Variants in COMMD1 observed in about 807,000 individuals in gnomAD.
COMMD1 encodes COMM domain-containing protein 1.
In COMMD1, 10 loss-of-function variants were observed where a neutral mutation model predicts 17.2. The ratio of observed to expected loss-of-function variants is 0.58; its 90% CI spans 0.36 to 0.99. COMMD1 has a LOEUF of 0.99. Among genes scored for constraint, COMMD1 ranks in the 50% least tolerant of loss-of-function variants. COMMD1 has a pLI of 0.01. For missense variants in COMMD1, 270 were observed against 231.8 expected (o/e 1.17, Z -1.07); for synonymous variants, 97 against 91.6 (o/e 1.06, Z -0.34).
At chr2:62,116,947 A>T (rs1405296940) in intron 2 of COMMD1, among the ~76,000 whole-genome samples, 1 of 151,348 alleles carries the variant, frequency 6.6e-6, no homozygotes. Flanking sequence ...GTGAGCCGAG[A>T]TCGCACCATT....
chr2:62,003,315 G>A (rs1045901555), intron 2 of COMMD1, among the ~76,000 whole-genome samples: 41 of 151,968 alleles, frequency 2.7e-4, no homozygotes, highest in Admixed American at 5.2e-4. Flanking sequence ...GCCAAGGCAG[G>A]TGGATCACGA....
chr2:62,022,057 A>G (rs1669625667), intron 2 of COMMD1, among the ~76,000 whole-genome samples: 1 of 152,140 alleles, frequency 6.6e-6, no homozygotes, highest in Non-Finnish European at 1.5e-5. Flanking sequence ...CTGATTCATG[A>G]AGATTTACCC....
At chr2:61,913,381 A>T (rs572563942) in intron 1 of COMMD1, among the ~76,000 whole-genome samples, 3 of 146,888 alleles carry the variant, frequency 2.0e-5, no homozygotes, top group South Asian at 4.3e-4. Context: ...AAAAAAAAAA[A>T]AAAAAGAGAA....
intron 1 of COMMD1, among the ~76,000 whole-genome samples, chr2:61,985,020 T>A (rs925371825): frequency 4.6e-5 from 7 of 151,732 alleles, no homozygotes; most frequent in African/African-American, 1.4e-4. Flanking sequence ...TCCTATTCCT[T>A]TATTTTTAGT....
intron 2 of COMMD1, among the ~76,000 whole-genome samples, chr2:62,029,914 A>G (rs1167822746): frequency 2.0e-5 from 3 of 152,284 alleles, no homozygotes; most frequent in Admixed American, 6.5e-5. Context: ...GAAAAAAGGC[A>G]TACACATTTG....
intron 2 of COMMD1, among the ~76,000 whole-genome samples, chr2:62,128,365 A>G (rs1377588179): frequency 6.6e-6 from 1 of 151,832 alleles, no homozygotes; most frequent in Non-Finnish European, 1.5e-5. Context: ...ACTCAAGATG[A>G]ATTAAAGACT....
chr2:62,121,834 C>T (rs1672758286), intron 2 of COMMD1, among the ~76,000 whole-genome samples: 1 of 152,090 alleles, frequency 6.6e-6, no homozygotes, highest in South Asian at 2.1e-4. Context: ...CTCTGTCACC[C>T]AGGTTGGAGT....
chr2:62,085,875 C>G (rs914709905), intron 2 of COMMD1, among the ~76,000 whole-genome samples: 3 of 151,942 alleles, frequency 2.0e-5, no homozygotes, highest in African/African-American at 7.2e-5. Flanking sequence ...CTACTCAGGA[C>G]GCTGAGGCAG....
intron 1 of COMMD1, among the ~76,000 whole-genome samples, chr2:61,889,845 T>C (rs1669381495): frequency 6.6e-6 from 1 of 152,120 alleles, no homozygotes; most frequent in African/African-American, 2.4e-5. Context: ...ATAAAGATCA[T>C]TTATTTCCGT....
At chr2:62,099,920 C>G (rs1340320120) in intron 2 of COMMD1, among the ~76,000 whole-genome samples, 1 of 152,114 alleles carries the variant, frequency 6.6e-6, no homozygotes. Flanking sequence ...TGCCCTTTCT[C>G]TTCAAAGCTG....
chr2:62,047,928 C>G (rs1670424657), intron 2 of COMMD1, among the ~76,000 whole-genome samples: 1 of 151,898 alleles, frequency 6.6e-6, no homozygotes, highest in South Asian at 2.1e-4. Flanking sequence ...AGGTTTATAC[C>G]CTAGGAGCAA....
At chr2:61,936,649 G>T (rs1050223342) in intron 1 of COMMD1, among the ~76,000 whole-genome samples, 1 of 152,124 alleles carries the variant, frequency 6.6e-6, no homozygotes, top group African/African-American at 2.4e-5. Context: ...GCCCAGGATG[G>T]TCTTGAACTC....
At chr2:62,104,633 CAA>C (rs35679940) in intron 2 of COMMD1, among the ~76,000 whole-genome samples, 4,453 of 76,634 alleles carry the variant, frequency 0.058, 62 homozygotes, top group Middle Eastern at 0.1. Flanking sequence ...GACTCCGTCT[CAA>C]AAAAAAAAAA....
intron 1 of COMMD1, among the ~76,000 whole-genome samples, chr2:61,916,247 C>T (rs995465850): frequency 6.6e-6 from 1 of 152,136 alleles, no homozygotes; most frequent in African/African-American, 2.4e-5. Context: ...CAAGCCTGAA[C>T]CACCACACCT....
intron 1 of COMMD1, among the ~76,000 whole-genome samples, chr2:61,913,815 A>AG (rs1329960598): frequency 8.5e-5 from 12 of 140,690 alleles, no homozygotes; most frequent in Non-Finnish European, 1.5e-4. Context: ...AAAAAAAAAA[A>AG]AAGAAAAGTG....
At chr2:61,914,034 T>C (rs1669984735) in intron 1 of COMMD1, among the ~76,000 whole-genome samples, 1 of 151,668 alleles carries the variant, frequency 6.6e-6, no homozygotes, top group Admixed American at 6.6e-5. Flanking sequence ...TAGCCACGTG[T>C]GGTGGTGGGA....
At chr2:62,117,368 T>C (rs762802361) in intron 2 of COMMD1, among the ~76,000 whole-genome samples, 8 of 152,242 alleles carry the variant, frequency 5.3e-5, no homozygotes, top group Non-Finnish European at 1.5e-5. Flanking sequence ...TTTGAGTCTT[T>C]CTTAAAGTTA....
chr2:61,939,279 C>G (rs1670676702), intron 1 of COMMD1, among the ~76,000 whole-genome samples: 1 of 146,480 alleles, frequency 6.8e-6, no homozygotes, highest in South Asian at 2.2e-4. Flanking sequence ...CGGTGAAACC[C>G]AGTCTCTACT....
chr2:61,957,085 T>TGC (rs753498872), intron 1 of COMMD1, among the ~76,000 whole-genome samples: 4 of 110,230 alleles, frequency 3.6e-5, no homozygotes, highest in Non-Finnish European at 5.4e-5. Context: ...GGAAGATGGA[T>TGC]GCGTGTGTGT....
Sources: gnomAD v4.1 joint callset for allele counts (sites outside exome capture counted in the v4.1 genomes callset) on GRCh38, gnomAD v4.1.1 for gene constraint, MANE v1.5 for transcripts, NCBI Gene and HGNC (gene_info 2026-07-23, HGNC 2026-07-21) for gene names.